The following ABCB1 variants were observed in gnomAD, a reference collection of about 807,000 sequenced individuals.
ABCB1 encodes ATP-dependent translocase ABCB1.
ABCB1 carries 69 observed loss-of-function variants against 142.0 expected under a neutral mutation model. The ratio of observed to expected loss-of-function variants is 0.49; its 90% confidence interval spans 0.40 to 0.59. The LOEUF (loss-of-function observed/expected upper bound fraction) is 0.59. Ranked by LOEUF, ABCB1 falls within the 20% of genes least tolerant of loss-of-function variation. The pLI is 0.00. For synonymous variants in ABCB1, 532 were observed against 539.2 expected, an observed-to-expected ratio of 0.99 and a Z score of 0.18; for missense variants, 1,326 against 1,554.7, an observed-to-expected ratio of 0.85 and a Z score of 2.47.
chr7:87,568,961 C>A (rs1034929020), intron 5 of ABCB1, among the ~76,000 whole-genome samples: 81 of 152,240 alleles, frequency 5.3e-4, no homozygotes, highest in African/African-American at 1.9e-3. Context: ...GTTTCATTTT[C>A]CCCAATGTAA....
chr7:87,667,499 T>C (rs2130494030), intron 1 of ABCB1, among the ~76,000 whole-genome samples: 1 of 152,286 alleles, frequency 6.6e-6, no homozygotes, highest in East Asian at 1.9e-4. Flanking sequence ...TCTTGCCTGA[T>C]AGCTCTGGCT....
chr7:87,511,977 T>G (rs899104513), intron 25 of ABCB1, among the ~76,000 whole-genome samples: 1 of 152,186 alleles, frequency 6.6e-6, no homozygotes, highest in East Asian at 1.9e-4. Context: ...TCAAGAGCCC[T>G]CAATTACATG....
chr7:87,534,146 G>A (rs1816179251), intron 20 of ABCB1, among the ~76,000 whole-genome samples: 1 of 152,144 alleles, frequency 6.6e-6, no homozygotes, highest in South Asian at 2.1e-4. Flanking sequence ...AATTTGAGAG[G>A]CAGGAAGAAA....
intron 20 of ABCB1, among the ~76,000 whole-genome samples, chr7:87,534,617 A>G (rs961920235): frequency 1.3e-5 from 2 of 152,096 alleles, no homozygotes; most frequent in Non-Finnish European, 2.9e-5. Context: ...TCTGAATTTC[A>G]TAAAGATCAA....
At chr7:87,694,250 G>A (rs1183188022) in intron 1 of ABCB1, among the ~76,000 whole-genome samples, 2 of 152,106 alleles carry the variant, frequency 1.3e-5, no homozygotes, top group Non-Finnish European at 2.9e-5. Context: ...CAGGGAAGCT[G>A]TATGAATATT....
Position 87,614,118 on chromosome 7 carries a change from G to A in ABCB1, c.-330-13040C>T, listed in dbSNP as rs1445434752. On this transcript the variant is annotated intron_variant, in intron 1 of 28. Coordinates refer to the ABCB1 transcript ENST00000265724. ...TAAACCAAAATAATTATAATATGAT[G>A]AGTGAAGAATCTCATGCCTGTAATC... Among the ~76,000 whole-genome samples the A allele has an allele frequency of 2.6e-5, 4 of 151,964 alleles. No homozygotes were observed. In the East Asian group the frequency reaches 7.7e-4, roughly 29 times the overall value.
At chr7:87,670,604 G>A (rs58101885) in intron 1 of ABCB1, among the ~76,000 whole-genome samples, 2,130 of 152,248 alleles carry the variant, frequency 0.014, 52 homozygotes, top group African/African-American at 0.049. Context: ...TCTGTGTGTG[G>A]GTGTTCCTTT....
intron 1 of ABCB1, among the ~76,000 whole-genome samples, chr7:87,652,935 T>G (rs1157287067): frequency 1.3e-5 from 2 of 151,970 alleles, no homozygotes; most frequent in Admixed American, 6.6e-5. Flanking sequence ...ATTTTTGAAG[T>G]AAAAGGACAT....
At chr7:87,596,223 T>A (rs1233923842) in intron 2 of ABCB1, among the ~76,000 whole-genome samples, 2 of 152,078 alleles carry the variant, frequency 1.3e-5, no homozygotes, top group African/African-American at 2.4e-5. Flanking sequence ...GTCATTTGAT[T>A]AATGATGGCA....
At chr7:87,580,923 A>G (rs1213786603) in intron 4 of ABCB1, among the ~76,000 whole-genome samples, 1 of 151,812 alleles carries the variant, frequency 6.6e-6, no homozygotes, top group Non-Finnish European at 1.5e-5. Context: ...TACCTTCTTC[A>G]GTGCCTCTTT....
chr7:87,695,416 G>A (rs551340212), intron 1 of ABCB1, among the ~76,000 whole-genome samples: 14 of 152,154 alleles, frequency 9.2e-5, no homozygotes, highest in African/African-American at 3.4e-4. Flanking sequence ...CTGCTACAAA[G>A]TTTAAAGTGA....
At chr7:87,563,363 A>G in intron 7 of ABCB1, 1 of 455,388 alleles carries the variant, frequency 2.2e-6, no homozygotes, top group South Asian at 1.6e-5. Context: ...ACAACAACAA[A>G]AAAACTTTGG....
upstream of ABCB1, among the ~76,000 whole-genome samples, chr7:87,605,747 A>G (rs1456918828): frequency 6.6e-6 from 1 of 152,210 alleles, no homozygotes; most frequent in Non-Finnish European, 1.5e-5. Context: ...TTTCTGTGTC[A>G]TTCAAATAAA....
intron 1 of ABCB1, among the ~76,000 whole-genome samples, chr7:87,682,356 G>A (rs1827007459): frequency 1.3e-5 from 2 of 152,306 alleles, no homozygotes; most frequent in South Asian, 4.1e-4. Flanking sequence ...AATCTCGAAT[G>A]TTCTTGACGA....
At chr7:87,610,076 G>C (rs753224851) in intron 1 of ABCB1, among the ~76,000 whole-genome samples, 2 of 151,978 alleles carry the variant, frequency 1.3e-5, no homozygotes, top group African/African-American at 4.8e-5. Flanking sequence ...TTTCCCTTGC[G>C]TGTCTTTTCC....
At chr7:87,690,964 T>C (rs1161285727) in intron 1 of ABCB1, among the ~76,000 whole-genome samples, 1 of 152,058 alleles carries the variant, frequency 6.6e-6, no homozygotes, top group East Asian at 1.9e-4. Flanking sequence ...AGAATAAATA[T>C]AGCAAAAGCT....
At chr7:87,702,422 G>T (rs1225137870) in intron 1 of ABCB1, among the ~76,000 whole-genome samples, 1 of 151,812 alleles carries the variant, frequency 6.6e-6, no homozygotes, top group African/African-American at 2.4e-5. Flanking sequence ...GGGACTACAG[G>T]GGCATGCCAC....
At chr7:87,564,352 C>T (rs540984977) in intron 7 of ABCB1, among the ~76,000 whole-genome samples, 4 of 152,194 alleles carry the variant, frequency 2.6e-5, no homozygotes, top group African/African-American at 9.6e-5. Context: ...GGGGCTCCCA[C>T]TGGCCCCTGC....
chr7:87,516,269 A>G (rs955492796), intron 24 of ABCB1, among the ~76,000 whole-genome samples: 7 of 152,182 alleles, frequency 4.6e-5, no homozygotes, highest in Non-Finnish European at 8.8e-5. Flanking sequence ...TTTTTAAAAA[A>G]TCTGATTAAT....
Sources: gnomAD v4.1 joint callset for allele counts (sites outside exome capture counted in the v4.1 genomes callset) on GRCh38, gnomAD v4.1.1 for gene constraint, MANE v1.5 for transcripts, NCBI Gene and HGNC (gene_info 2026-07-23, HGNC 2026-07-21) for gene names.